The following RNASE11 variants were observed in gnomAD, a reference collection of about 807,000 sequenced individuals.
RNASE11 encodes the protein putative inactive ribonuclease 11.
For missense variants in RNASE11, 252 were observed against 237.8 expected (o/e 1.06, Z -0.39); for synonymous variants, 105 against 86.1 (o/e 1.22, Z -1.21).
chr14:20,588,334 C>T (rs1884478506), upstream of RNASE11: 1 of 152,138 alleles, frequency 6.6e-6, no homozygotes, highest in African/African-American at 2.4e-5. Flanking sequence ...GATACTATGC[C>T]CATAGCTGAA....
At chr14:20,584,546 A>G in intron 1 of RNASE11, 50 bp from the exon 3 acceptor site, 2 of 1,444,288 alleles carry the variant, frequency 1.4e-6, no homozygotes, top group Non-Finnish European at 1.8e-6. Context: ...TTAAAGAGGT[A>G]GTTCTTTCTT....
upstream of RNASE11, chr14:20,587,906 C>A (rs1284791927): frequency 1.1e-6 from 1 of 926,594 alleles, no homozygotes; most frequent in South Asian, 5.0e-5. Context: ...GAGCAATGAA[C>A]AGCTGAAGTC....
chr14:20,589,059 T>C (rs1431264146), upstream of RNASE11, among the ~76,000 whole-genome samples: 3 of 152,170 alleles, frequency 2.0e-5, no homozygotes. Flanking sequence ...AGTGCTGGGA[T>C]TACAGGCATG....
At chr14:20,586,844 G>A (rs1884444399) in intron 1 of RNASE11, among the ~76,000 whole-genome samples, 3 of 152,292 alleles carry the variant, frequency 2.0e-5, no homozygotes, top group South Asian at 2.1e-4. Flanking sequence ...ACTGCTAAGA[G>A]GTGCCCTTTA....
In RNASE11 at chr14:20,583,654, C is replaced by G. The variant is rs1884358511; in HGVS notation, c.*221G>C. ...TTACACCCTCCCCACCCTCCCCCCA[C>G]ACAGAGAGAGAGATAGAGAGAGAAG... On this transcript the variant is annotated 3_prime_UTR_variant, in exon 2 of 2. Transcript: ENST00000553849. 4 of 275,922 alleles carry G rather than the reference C, an allele frequency of 1.4e-5. No individual in the cohort carries two copies. In the South Asian group the frequency reaches 2.7e-4, roughly 19 times the overall value. 17.1% of individuals were successfully genotyped at this position (275,922 alleles called of 1,614,324 possible).
intron 1 of RNASE11, 112 bp from the exon 3 acceptor site, chr14:20,584,608 T>G: frequency 1.3e-6 from 1 of 767,956 alleles, no homozygotes; most frequent in Non-Finnish European, 2.0e-6. Context: ...TTAAAATTTT[T>G]ATATCTGTGA....
At chr14:20,583,902 G>A in exon 2 of RNASE11, 1 of 1,612,746 alleles carries the variant, frequency 6.2e-7, no homozygotes, top group Non-Finnish European at 8.5e-7. Context: ...AAACTAACCA[G>A]CTCATCAGAG....
rs747615275 is a variant in RNASE11, at chr14:20,584,271, C to T, written c.204G>A (p.Lys68=). The T allele has an allele frequency of 3.1e-6, 5 of 1,614,064 alleles. No individual in the cohort carries two copies. The African/African-American group carries it at 6.7e-5, about 22-fold the overall frequency. The change falls in exon 2 of 2, where the codon AAG becomes AAA. Residue 68 remains lysine (K), a synonymous_variant. Transcript: ENST00000553849. ...TCAGTAATGTGGAAGACATATCATC[C>T]TTGGACATGCTGAGGCTGGTATTTT...
intron 1 of RNASE11, among the ~76,000 whole-genome samples, chr14:20,585,342 GA>G (rs1884413395): frequency 6.6e-6 from 1 of 152,142 alleles, no homozygotes; most frequent in African/African-American, 2.4e-5. Context: ...TTTGTTTTCT[GA>G]AACCCTACAG....
chr14:20,583,034 A>C (rs1884339314), downstream of RNASE11: 1 of 152,230 alleles, frequency 6.6e-6, no homozygotes, highest in Non-Finnish European at 1.5e-5. Flanking sequence ...TTTAAGCAGA[A>C]TGTTGAACCA....
exon 1 of RNASE11, chr14:20,587,563 C>T (rs1450472294): frequency 2.0e-6 from 2 of 985,228 alleles, no homozygotes; most frequent in East Asian, 2.3e-4. Context: ...GACCACCTAC[C>T]TGTTCCTGTT....
In RNASE11 at chr14:20,586,318, A is replaced by T. The variant is rs564549605; in HGVS notation, c.-23+1245T>A. On this transcript the variant is annotated intron_variant, in intron 1 of 1. Transcript: ENST00000553849. ...TGAAATCCTTCAAAGCCCAGTTCAG[A>T]TCTCATTCTTTATTTTACATGTTTC... Among the ~76,000 whole-genome samples the T allele has an allele frequency of 4.6e-5, 7 of 152,304 alleles. No individual in the cohort carries two copies. The East Asian group carries it at 1.3e-3, about 29-fold the overall frequency.
At position 20,584,159 on chromosome 14, in the gene RNASE11, T is replaced by A. The variant is rs779886438; in HGVS notation, c.316A>T (p.Lys106Ter). 2 of 1,614,216 alleles carry A rather than the reference T, an allele frequency of 1.2e-6. No individual in the cohort carries two copies. The highest frequency in any genetic ancestry group is 2.2e-5 in the South Asian group (2 of 91,086). Residue 106 changes from lysine to a stop codon, truncating the protein, a stop_gained, in exon 2 of 2, where the codon AAA (lysine) becomes TAA (stop). Coordinates refer to ENST00000553849, the Ensembl canonical transcript of RNASE11. LOFTEE classifies it low-confidence loss of function (END_TRUNC). ...CACGATCCGTTTGCTTCTGAAACTT[T>A]TCTCCAGACTGTCATGTCATTGCAA...
chr14:20,588,975 G>A (rs1208332198), upstream of RNASE11, among the ~76,000 whole-genome samples: 2 of 151,916 alleles, frequency 1.3e-5, no homozygotes, highest in East Asian at 1.9e-4. Context: ...TTAGTGGAGA[G>A]GAGGTTTCAC....
intron 1 of RNASE11, among the ~76,000 whole-genome samples, chr14:20,585,515 C>A (rs557421017): frequency 3.9e-4 from 60 of 152,194 alleles, no homozygotes; most frequent in African/African-American, 1.4e-3. Flanking sequence ...AAATAATGAA[C>A]TGTAGATTAA....
rs755565909 is a variant in RNASE11 at position 20,583,982 on chromosome 14, G to A, written c.493C>T (p.Gln165Ter). Residue 165 changes from glutamine (Q) to a stop codon, truncating the protein, a stop_gained, in exon 2 of 2, where the codon CAA becomes TAA. Coordinates refer to ENST00000553849, the Ensembl canonical transcript of RNASE11. LOFTEE classifies it low-confidence loss of function (END_TRUNC). ...CTATGGTATTGGCACCTGGGGAATT[G>A]TTTGCCTGTAGTGAACTGGCACACT... is the stretch of plus-strand genomic sequence containing the variant. The A allele has an allele frequency of 6.2e-7, 1 of 1,614,158 alleles. No homozygotes were observed.
At position 20,586,033 on chromosome 14, in the gene RNASE11, A is replaced by G. The variant is rs1329197981; in HGVS notation, c.-23+1530T>C. 3.3e-5 allele frequency among the ~76,000 whole-genome samples: 5 copies of G among 152,138 alleles called. No homozygotes were observed. In the East Asian group the frequency reaches 9.7e-4, roughly 29 times the overall value. ...GACCCTCCAATTTCTTCTATACACT[A>G]CTTTTCTAAAAACATAACTTGCAAC... On this transcript the variant is annotated intron_variant, in intron 1 of 1. Transcript: ENST00000553849.
chr14:20,584,605 T>G, intron 1 of RNASE11, 109 bp from the exon 3 acceptor site: 1 of 812,894 alleles, frequency 1.2e-6, no homozygotes. Flanking sequence ...AGGTTAAAAT[T>G]TTTATATCTG....
At chr14:20,585,584 C>T (rs1884417958) in intron 1 of RNASE11, among the ~76,000 whole-genome samples, 3 of 152,192 alleles carry the variant, frequency 2.0e-5, no homozygotes, top group Admixed American at 2.0e-4. Context: ...CACAATTTTG[C>T]ATTCTTCACT....
Sources: allele counts gnomAD v4.1 joint callset (sites outside exome capture counted in the v4.1 genomes callset), GRCh38; gene constraint gnomAD v4.1.1; transcripts MANE v1.5; gene names NCBI Gene and HGNC (gene_info 2026-07-23, HGNC 2026-07-21).